UBIAD1: variants seen among roughly 807,000 people sequenced by gnomAD.
UBIAD1 encodes ubiA prenyltransferase domain-containing protein 1.
A neutral mutation model predicts 20.1 loss-of-function variants in UBIAD1; 12 were observed. That is an observed-to-expected ratio of 0.60 (90% CI 0.38 to 0.97). The LOEUF is 0.97. UBIAD1 is among the 50% of genes least tolerant of loss of function. The probability of loss-of-function intolerance (pLI) is 0.00; values close to 1 mark genes in which losing one functional copy is unlikely to be tolerated. For synonymous variants in UBIAD1, 207 were observed against 189.2 expected, an observed-to-expected ratio of 1.09 and a Z score of -0.77; for missense variants, 333 against 419.5, an observed-to-expected ratio of 0.79 and a Z score of 1.80.
Position 11,273,443 on chromosome 1 carries a change from C to A in UBIAD1, c.-89C>A, listed in dbSNP as rs2101012104. 1 of 1,546,052 alleles carries A rather than the reference C, an allele frequency of 6.5e-7. No individual in the cohort carries two copies. The highest frequency in any genetic ancestry group is 8.8e-7 in the Non-Finnish European group (1 of 1,132,096). Reference sequence around the variant, plus strand: ...GGGCGGAACCGAAGGAAGGTCGGGCCCTGCTGCCCCGCCCCGTCCTTCCTC... The same window carrying A: ...GGGCGGAACCGAAGGAAGGTCGGGCACTGCTGCCCCGCCCCGTCCTTCCTC... On this transcript the variant is annotated 5_prime_UTR_variant, in exon 1 of 2. Transcript: ENST00000376810. The surrounding 1 kb of genome is among the most constrained non-coding windows in gnomAD (Gnocchi z 4.9).
chr1:11,298,333 C>T (rs530779798), downstream of UBIAD1, among the ~76,000 whole-genome samples: 7 of 152,032 alleles, frequency 4.6e-5, no homozygotes, highest in East Asian at 9.7e-4. This position sits in a 1 kb window ranked among gnomAD's most constrained non-coding sequence, Gnocchi z 4.0. Flanking sequence ...TTTGGGAGAC[C>T]GAGGCAGGTG....
chr1:11,296,625 T>G (rs1638452834), downstream of UBIAD1, among the ~76,000 whole-genome samples: 1 of 152,100 alleles, frequency 6.6e-6, no homozygotes, highest in Admixed American at 6.6e-5. Context: ...GCTCAGGTGA[T>G]CTTCCCACCT....
At position 11,293,886 on chromosome 1, in the gene UBIAD1, G is replaced by T. The variant is rs1211215139; in HGVS notation, c.530-987G>T. On this transcript the variant is annotated intron_variant, in intron 1 of 1. Coordinates refer to the UBIAD1 transcript ENST00000376804. ...AAACGGGATTTCACCATGTTGGCCA[G>T]GCTGGTTTCGAACTGATCTCAGGTG... 3.9e-5 allele frequency among the ~76,000 whole-genome samples: 6 copies of T among 152,268 alleles called. No individual in the cohort carries two copies. In the East Asian group the frequency reaches 9.6e-4, roughly 24 times the overall value.
intron 1 of UBIAD1, among the ~76,000 whole-genome samples, chr1:11,282,276 C>T (rs1479290209): frequency 6.6e-6 from 1 of 152,166 alleles, no homozygotes; most frequent in African/African-American, 2.4e-5. Flanking sequence ...TTCTGGCTGC[C>T]GTGTGGAGAA....
downstream of UBIAD1, chr1:11,295,681 G>A (rs745976967): frequency 3.3e-5 from 5 of 152,222 alleles, no homozygotes; most frequent in Non-Finnish European, 2.9e-5. Flanking sequence ...AATACCAGGT[G>A]GGAGGCCCTC....
intron 1 of UBIAD1, among the ~76,000 whole-genome samples, chr1:11,293,967 C>G (rs1322403614): frequency 6.6e-6 from 1 of 152,200 alleles, no homozygotes; most frequent in Non-Finnish European, 1.5e-5. Flanking sequence ...GCCACTGTGC[C>G]TGGCCCCATG....
In UBIAD1 at chr1:11,278,566, G is replaced by A. The variant is rs561751062; in HGVS notation, c.529+4506G>A. 1.6e-4 allele frequency: 181 copies of A among 1,147,692 alleles called. No individual in the cohort carries two copies. In the Middle Eastern group the frequency reaches 3.9e-3, roughly 25 times the overall value. The allele number at this position is 1,147,692 out of a possible 1,614,324, so 71.1% of individuals were successfully genotyped here. The stretch of plus-strand genomic sequence containing the variant: ...TGATATTTAATCAAGACATTAACAC[G>A]AGTAGAAGGTTGTTGATATAAGACA... On this transcript the variant is annotated intron_variant, in intron 1 of 1. Coordinates refer to ENST00000376810, the MANE Select transcript of UBIAD1 (RefSeq NM_013319.3).
chr1:11,274,337 C>G (rs562106129), intron 1 of UBIAD1, among the ~76,000 whole-genome samples: 17 of 151,244 alleles, frequency 1.1e-4, no homozygotes, highest in African/African-American at 3.9e-4. Flanking sequence ...CTCGCTCTGT[C>G]GCCCAGGCTG....
chr1:11,290,756 A>G (rs1479393335), downstream of UBIAD1, among the ~76,000 whole-genome samples: 1 of 152,190 alleles, frequency 6.6e-6, no homozygotes, highest in East Asian at 1.9e-4. Context: ...AGATGGGTGG[A>G]TCACTTGAGG....
At position 11,286,503 on chromosome 1, in the gene UBIAD1, G is replaced by C. The variant is rs899665584; in HGVS notation, c.*372G>C. On this transcript the variant is annotated 3_prime_UTR_variant, in exon 2 of 2. Transcript: ENST00000376810. Reference sequence around the variant, plus strand: ...AAGGAGCTGCCCAGTTTGGCCTCCTGTCCCGAAAAGACCCTAATAACTAGG... The same window carrying C: ...AAGGAGCTGCCCAGTTTGGCCTCCTCTCCCGAAAAGACCCTAATAACTAGG... 1.2e-5 allele frequency: 4 copies of C among 332,752 alleles called. No individual in the cohort carries two copies. In the Admixed American group the frequency reaches 1.8e-4, roughly 15 times the overall value. 20.6% of individuals were successfully genotyped at this position (332,752 alleles called of 1,614,324 possible). A position where few individuals can be genotyped will look rare whatever the true frequency, so the allele number is the denominator to read the frequency against.
chr1:11,285,723 C>T lies in UBIAD1; in HGVS notation c.609C>T (p.Tyr203=), dbSNP rs766053104. The change falls in exon 2 of 2, where the codon TAC becomes TAT. Residue 203 remains tyrosine, a synonymous_variant. Coordinates refer to ENST00000376810, the MANE Select transcript of UBIAD1 (RefSeq NM_013319.3). This position sits in a 1 kb window ranked among gnomAD's most constrained non-coding sequence, Gnocchi z 4.4. ...GCCCGCTGGCTGTGATGTTCGCCTA[C>T]GCCATCCAGGTGGGGTCCCTGGCCA... ...TFGPLAVMFA[Y]AIQVGSLAIF... 2.9e-5 allele frequency: 47 copies of T among 1,614,078 alleles called. No homozygotes were observed. In the South Asian group the frequency reaches 3.6e-4, roughly 12 times the overall value.
chr1:11,296,048 G>A (rs576192408), downstream of UBIAD1: 1 of 152,306 alleles, frequency 6.6e-6, no homozygotes, highest in Non-Finnish European at 1.5e-5. Flanking sequence ...GTTCCAGACT[G>A]CGATCAATTC....
downstream of UBIAD1, among the ~76,000 whole-genome samples, chr1:11,292,707 A>ACACACT (rs1553136730): frequency 6.6e-6 from 1 of 150,456 alleles, no homozygotes; most frequent in Non-Finnish European, 1.5e-5. Context: ...ACACACACAC[A>ACACACT]CACACTCACA....
At chr1:11,284,702 A>G (rs375600722) in intron 1 of UBIAD1, among the ~76,000 whole-genome samples, 83 of 152,230 alleles carry the variant, frequency 5.5e-4, no homozygotes, top group African/African-American at 7.7e-4. Context: ...GACCTCAGGT[A>G]ATCTGCCCGC....
chr1:11,273,371 C>A lies in UBIAD1; in HGVS notation c.-161C>A. 1.2e-6 allele frequency: 1 copy of A among 816,458 alleles called. No homozygotes were observed. Among genetic ancestry groups the A allele is most frequent in the Non-Finnish European group, 2.0e-6 (1 of 512,532 alleles). The allele number at this position is 816,458 out of a possible 1,614,324, so 50.6% of individuals were successfully genotyped here. ...GCTTGGCCTCGTGGGGTGTAAGACC[C>A]ACTTGCTGTTGCCCCCGGACCTTGC... On this transcript the variant is annotated 5_prime_UTR_variant, in exon 1 of 2. Transcript: ENST00000376810. This position sits in a 1 kb window ranked among gnomAD's most constrained non-coding sequence, Gnocchi z 4.9.
intron 1 of UBIAD1, among the ~76,000 whole-genome samples, chr1:11,275,928 TAA>T (rs1004400864): frequency 2.0e-5 from 3 of 150,210 alleles, no homozygotes; most frequent in Non-Finnish European, 3.0e-5. Flanking sequence ...AAGGAGAGAG[TAA>T]AGAGAGGTAA....
intron 1 of UBIAD1, among the ~76,000 whole-genome samples, chr1:11,277,095 G>A (rs1361931514): frequency 3.3e-5 from 5 of 151,868 alleles, no homozygotes; most frequent in Non-Finnish European, 7.4e-5. Context: ...AAATAAGCTG[G>A]GCATGGTGGT....
downstream of UBIAD1, among the ~76,000 whole-genome samples, chr1:11,297,816 T>A (rs1162915460): frequency 6.6e-6 from 1 of 152,180 alleles, no homozygotes; most frequent in Non-Finnish European, 1.5e-5. Context: ...TCAGAGAGGC[T>A]TTAGGAATCT....
chr1:11,285,173 A>G lies in UBIAD1; in HGVS notation c.530-471A>G, dbSNP rs568342075. Among the ~76,000 whole-genome samples, 1 of 152,174 alleles carries G rather than the reference A, an allele frequency of 6.6e-6. No homozygotes were observed. The highest frequency in any genetic ancestry group is 1.5e-5 in the Non-Finnish European group (1 of 68,030). ...CACTGGCCGTTTTTAAAACCAGAAG[A>G]TGCCTTGAGATTGTAGGGGAAGGAG... On this transcript the variant is annotated intron_variant, in intron 1 of 1. Transcript: ENST00000376810. The surrounding 1 kb of genome is among the most constrained non-coding windows in gnomAD (Gnocchi z 4.4).
Sources: allele counts gnomAD v4.1 joint callset (sites outside exome capture counted in the v4.1 genomes callset), GRCh38; gene constraint gnomAD v4.1.1; non-coding constraint Gnocchi (gnomAD v3.1); transcripts MANE v1.5; gene names NCBI Gene and HGNC (gene_info 2026-07-23, HGNC 2026-07-21).